SLC44A5: variants seen among roughly 807,000 people sequenced by gnomAD.
SLC44A5 encodes solute carrier family 44 member 5, also known as choline transporter-like protein 5.
SLC44A5 carries 57 observed loss-of-function variants against 101.8 expected under a neutral mutation model. The ratio of observed to expected loss-of-function variants is 0.56; its 90% CI spans 0.45 to 0.70. The LOEUF (loss-of-function observed/expected upper bound fraction) is 0.70. Ranked by LOEUF, SLC44A5 falls within the 30% of genes least tolerant of loss-of-function variation. The pLI is 0.00. For missense variants in SLC44A5, 737 were observed against 853.1 expected, an observed-to-expected ratio of 0.86 and a Z score of 1.70; for synonymous variants, 281 against 290.9, an observed-to-expected ratio of 0.97 and a Z score of 0.35.
intron 2 of SLC44A5, among the ~76,000 whole-genome samples, chr1:75,525,332 T>A (rs1371272958): frequency 1.3e-5 from 2 of 152,172 alleles, no homozygotes; most frequent in African/African-American, 2.4e-5. Context: ...TGTTGTGATG[T>A]AACATGAAAT....
At position 75,381,884 on chromosome 1, in the gene SLC44A5, C is replaced by T. The variant is rs1422853571; in HGVS notation, c.52+14699G>A. Among the ~76,000 whole-genome samples, 81 of 79,424 alleles carry T rather than the reference C, an allele frequency of 1.0e-3. 34 individuals are homozygous for T. The highest frequency in any genetic ancestry group is 5.8e-3 in the African/African-American group (69 of 11,890). The allele number at this position is 79,424 out of a possible 152,430, so 52.1% of individuals were successfully genotyped here. The stretch of plus-strand genomic sequence containing the variant: ...ATGGGATTAATTGCAGTCACAGCTA[C>T]GGCTGCTGTAGCAGGAGTTGCATTG... On this transcript the variant is annotated intron_variant, in intron 3 of 23. Transcript: ENST00000370859.
At chr1:75,298,604 A>G (rs1272567004) in intron 5 of SLC44A5, among the ~76,000 whole-genome samples, 3 of 152,086 alleles carry the variant, frequency 2.0e-5, no homozygotes, top group Admixed American at 2.0e-4. Context: ...TGTGGACTAC[A>G]TTAGACTGGC....
At chr1:75,671,553 C>T in the SLC44A5 span, among the ~76,000 whole-genome samples, 2 of 152,156 alleles carry the variant, frequency 1.3e-5, no homozygotes, top group African/African-American at 2.4e-5. Context: ...TCTCTGAGAA[C>T]AGTAATTGCC....
At chr1:75,270,513 C>T (rs1651379594) in intron 6 of SLC44A5, among the ~76,000 whole-genome samples, 1 of 151,772 alleles carries the variant, frequency 6.6e-6, no homozygotes, top group Non-Finnish European at 1.5e-5. Flanking sequence ...AGTCTATATA[C>T]AAAAATAAAT....
chr1:75,654,428 T>G, the SLC44A5 span, among the ~76,000 whole-genome samples: 1 of 152,194 alleles, frequency 6.6e-6, no homozygotes, highest in Admixed American at 6.5e-5. Flanking sequence ...TTGATGCATG[T>G]TGCACATTCC....
chr1:75,611,544 A>G (rs986379883), upstream of SLC44A5, among the ~76,000 whole-genome samples: 2 of 152,198 alleles, frequency 1.3e-5, no homozygotes, highest in Non-Finnish European at 2.9e-5. Context: ...AGCAGTTATC[A>G]TTAATATGTT....
At chr1:75,626,264 G>C in the SLC44A5 span, among the ~76,000 whole-genome samples, 2 of 152,146 alleles carry the variant, frequency 1.3e-5, no homozygotes, top group Non-Finnish European at 2.9e-5. Flanking sequence ...GGATTTGAGA[G>C]AAGGAGAACA....
intron 2 of SLC44A5, among the ~76,000 whole-genome samples, chr1:75,481,412 G>A (rs1328809182): frequency 6.6e-6 from 1 of 152,058 alleles, no homozygotes; most frequent in East Asian, 1.9e-4. Context: ...ATGGGATCTA[G>A]TTAAACTCAA....
intron 5 of SLC44A5, among the ~76,000 whole-genome samples, chr1:75,291,776 C>T (rs1162785001): frequency 6.6e-6 from 1 of 151,988 alleles, no homozygotes; most frequent in Non-Finnish European, 1.5e-5. Flanking sequence ...CTTTGGGAGG[C>T]CAAGGCGGGT....
intron 2 of SLC44A5, among the ~76,000 whole-genome samples, chr1:75,511,121 C>T (rs1295112265): frequency 3.3e-5 from 5 of 151,634 alleles, no homozygotes; most frequent in Non-Finnish European, 5.9e-5. Flanking sequence ...CCAGCCTGGG[C>T]GACGGAGCGA....
At chr1:75,265,652 A>G (rs1650922821) in intron 6 of SLC44A5, among the ~76,000 whole-genome samples, 1 of 152,208 alleles carries the variant, frequency 6.6e-6, no homozygotes, top group Non-Finnish European at 1.5e-5. Context: ...CATTTTATGC[A>G]TGTAACAAAA....
chr1:75,597,902 G>T (rs1466321919), intron 1 of SLC44A5, among the ~76,000 whole-genome samples: 1 of 151,902 alleles, frequency 6.6e-6, no homozygotes, highest in African/African-American at 2.4e-5. Context: ...TGATGAAGTT[G>T]TTAAAAGCAA....
chr1:75,224,097 A>T (rs1479253946), intron 13 of SLC44A5, among the ~76,000 whole-genome samples: 1 of 152,212 alleles, frequency 6.6e-6, no homozygotes, highest in Non-Finnish European at 1.5e-5. Context: ...TTTGGTTAAC[A>T]ATGGACTTCA....
chr1:75,254,317 GCATGTGCCAGCGCA>G (rs1321694369), intron 6 of SLC44A5, among the ~76,000 whole-genome samples: 2 of 152,134 alleles, frequency 1.3e-5, no homozygotes, highest in African/African-American at 2.4e-5. Context: ...GGGATTACAG[GCATGTGCCAGCGCA>G]CCCGGCCAGA....
intron 1 of SLC44A5, among the ~76,000 whole-genome samples, chr1:75,556,969 C>G (rs370706056): frequency 5.3e-4 from 80 of 152,238 alleles, no homozygotes; most frequent in African/African-American, 1.9e-3. Context: ...ACATAAGGGT[C>G]ATACTGGCTG....
At chr1:75,538,535 G>T (rs1671177737) in intron 2 of SLC44A5, among the ~76,000 whole-genome samples, 1 of 152,108 alleles carries the variant, frequency 6.6e-6, no homozygotes, top group Admixed American at 6.5e-5. Context: ...AGCATTTATT[G>T]GCACTTAGCA....
the SLC44A5 span, among the ~76,000 whole-genome samples, chr1:75,696,038 G>T: frequency 4.0e-5 from 6 of 151,856 alleles, no homozygotes; most frequent in Non-Finnish European, 8.8e-5. Flanking sequence ...ATTTGCATCA[G>T]TCAGGATATG....
At position 75,213,767 on chromosome 1, in the gene SLC44A5, G is replaced by C. The variant is rs1317479488; in HGVS notation, c.1900C>G (p.Gln634Glu). 1.9e-6 allele frequency: 3 copies of C among 1,612,644 alleles called. No homozygotes were observed. Among genetic ancestry groups the C allele is most frequent in the Admixed American group, 1.7e-5 (1 of 59,900 alleles). Residue 634 changes from glutamine to glutamate, a missense_variant, in exon 22 of 24, where the codon CAA becomes GAA. Physicochemically the swap from Gln to Glu is conservative, Grantham distance 29 (BLOSUM62 2). Transcript: ENST00000370859. The part of the protein sequence containing the change: ...IGVLAFLFFT[Q>E]RLPVIAQGPA... Reference sequence around the variant, plus strand: ...CCTTGTGCAATCACTGGCAGTCTTTGTGTGAAGAATAGGAAGGCCAGAACA... The same window carrying C: ...CCTTGTGCAATCACTGGCAGTCTTTCTGTGAAGAATAGGAAGGCCAGAACA...
intron 2 of SLC44A5, among the ~76,000 whole-genome samples, chr1:75,501,441 C>T (rs1374751903): frequency 6.6e-6 from 1 of 152,120 alleles, no homozygotes; most frequent in African/African-American, 2.4e-5. Context: ...ATAATTTGCA[C>T]AAAACTAAAG....
Sources: allele counts gnomAD v4.1 joint callset (sites outside exome capture counted in the v4.1 genomes callset), GRCh38; gene constraint gnomAD v4.1.1; transcripts MANE v1.5; gene names NCBI Gene and HGNC (gene_info 2026-07-23, HGNC 2026-07-21).